Variants in SGCZ observed in about 807,000 individuals in gnomAD.
SGCZ encodes the protein zeta-sarcoglycan.
A neutral mutation model predicts 41.3 loss-of-function variants in SGCZ; 40 were observed. The ratio of observed to expected loss-of-function variants is 0.97; its 90% CI spans 0.75 to 1.26. The LOEUF (loss-of-function observed/expected upper bound fraction) is 1.26, where lower values mean the gene tolerates loss of function less well. SGCZ is among the 50% of genes most tolerant of loss of function. The pLI, the probability that SGCZ is intolerant of heterozygous loss-of-function variation, is 0.00. For synonymous variants in SGCZ, 206 were observed against 137.5 expected, an observed-to-expected ratio of 1.50 and a Z score of -3.49; for missense variants, 552 against 369.8, an observed-to-expected ratio of 1.49 and a Z score of -4.04.
At chr8:14,430,493 C>G (rs747171156) in intron 2 of SGCZ, among the ~76,000 whole-genome samples, 6 of 152,206 alleles carry the variant, frequency 3.9e-5, no homozygotes, top group Middle Eastern at 3.4e-3. Flanking sequence ...CAAAATCCAG[C>G]AAACTTTATG....
At chr8:14,567,178 C>T (rs1388634925) in intron 1 of SGCZ, among the ~76,000 whole-genome samples, 3 of 152,208 alleles carry the variant, frequency 2.0e-5, no homozygotes, top group African/African-American at 7.2e-5. Flanking sequence ...CCCCCTGCTC[C>T]ACAGCGCCGG....
At chr8:15,038,393 G>A (rs1803945450) in intron 1 of SGCZ, among the ~76,000 whole-genome samples, 1 of 151,872 alleles carries the variant, frequency 6.6e-6, no homozygotes, top group Admixed American at 6.6e-5. Flanking sequence ...TGTGATGACT[G>A]AAAATCCACA....
At chr8:14,253,346 CA>C (rs1337955637) in intron 3 of SGCZ, among the ~76,000 whole-genome samples, 1 of 151,362 alleles carries the variant, frequency 6.6e-6, no homozygotes. Context: ...AAATCATAAG[CA>C]ACTGTAATAT....
intron 1 of SGCZ, among the ~76,000 whole-genome samples, chr8:14,945,163 G>A (rs1368181110): frequency 8.3e-6 from 1 of 120,760 alleles, no homozygotes; most frequent in Non-Finnish European, 1.7e-5. Context: ...TGTGTGGGTG[G>A]GTGGGGGGGG....
intron 2 of SGCZ, among the ~76,000 whole-genome samples, chr8:14,547,848 T>C (rs1803678374): frequency 6.6e-6 from 1 of 152,208 alleles, no homozygotes; most frequent in African/African-American, 2.4e-5. Flanking sequence ...ATCAATCTTG[T>C]TAATATCATC....
At chr8:14,727,378 C>T (rs908120232) in intron 1 of SGCZ, among the ~76,000 whole-genome samples, 2 of 152,126 alleles carry the variant, frequency 1.3e-5, no homozygotes, top group Non-Finnish European at 2.9e-5. Context: ...TTCATTGCTG[C>T]TGGGAAATTG....
At chr8:14,361,193 T>A (rs1803500434) in intron 2 of SGCZ, among the ~76,000 whole-genome samples, 1 of 152,174 alleles carries the variant, frequency 6.6e-6, no homozygotes, top group African/African-American at 2.4e-5. Context: ...GGTCATTTTA[T>A]CAAACATGTG....
At chr8:14,233,192 C>G (rs150245882) in intron 4 of SGCZ, among the ~76,000 whole-genome samples, 1 of 152,030 alleles carries the variant, frequency 6.6e-6, no homozygotes, top group East Asian at 1.9e-4. Flanking sequence ...CAGCTATAGA[C>G]TGACAGCATA....
chr8:14,848,608 T>G (rs1468999103), intron 1 of SGCZ, among the ~76,000 whole-genome samples: 1 of 152,196 alleles, frequency 6.6e-6, no homozygotes, highest in Admixed American at 6.5e-5. Flanking sequence ...AGAAGGATAA[T>G]CTTTCAACAA....
chr8:14,998,796 C>T (rs1263268447), intron 1 of SGCZ, among the ~76,000 whole-genome samples: 2 of 152,116 alleles, frequency 1.3e-5, no homozygotes, highest in African/African-American at 4.8e-5. Context: ...CAACTCAGGT[C>T]TATATATAAC....
intron 1 of SGCZ, among the ~76,000 whole-genome samples, chr8:14,786,796 G>C (rs1014134413): frequency 6.8e-6 from 1 of 146,250 alleles, no homozygotes; most frequent in Admixed American, 6.9e-5. Flanking sequence ...AGGAGCTAAA[G>C]ATCCCATGTT....
chr8:14,975,997 T>TATAC (rs1285933522), intron 1 of SGCZ, among the ~76,000 whole-genome samples: 3 of 91,336 alleles, frequency 3.3e-5, no homozygotes, highest in East Asian at 3.1e-4. Context: ...TATATATATA[T>TATAC]ATACATATAT....
chr8:14,199,217 A>G (rs1805375611), intron 4 of SGCZ, among the ~76,000 whole-genome samples: 1 of 152,144 alleles, frequency 6.6e-6, no homozygotes, highest in African/African-American at 2.4e-5. Flanking sequence ...CCCTAAGGGG[A>G]GGACTCTGAA....
At chr8:14,676,199 A>G (rs866272431) in intron 1 of SGCZ, among the ~76,000 whole-genome samples, 1 of 152,228 alleles carries the variant, frequency 6.6e-6, no homozygotes, top group South Asian at 2.1e-4. Flanking sequence ...CTCTGCACTC[A>G]AAAGTATCAT....
intron 1 of SGCZ, among the ~76,000 whole-genome samples, chr8:14,573,407 C>A (rs577892514): frequency 1.4e-3 from 219 of 151,750 alleles, no homozygotes; most frequent in African/African-American, 5.0e-3. Flanking sequence ...TCACCGTGGT[C>A]TGGATCTCCT....
intron 1 of SGCZ, among the ~76,000 whole-genome samples, chr8:15,046,665 A>T (rs576954833): frequency 4.6e-5 from 7 of 152,156 alleles, no homozygotes; most frequent in African/African-American, 1.7e-4. Flanking sequence ...TAAGATCAGG[A>T]TGCTAGATGT....
intron 1 of SGCZ, among the ~76,000 whole-genome samples, chr8:14,932,562 C>G (rs1257491271): frequency 1.3e-5 from 2 of 151,948 alleles, no homozygotes; most frequent in African/African-American, 2.4e-5. Context: ...CTATTATACT[C>G]TAGCTACTGA....
intron 7 of SGCZ, among the ~76,000 whole-genome samples, chr8:14,097,306 A>G (rs770546675): frequency 2.0e-5 from 3 of 152,046 alleles, no homozygotes; most frequent in Non-Finnish European, 4.4e-5. Flanking sequence ...CTTTGTTCTC[A>G]TTGGTTTCAA....
intron 4 of SGCZ, among the ~76,000 whole-genome samples, chr8:14,174,252 T>C (rs778666452): frequency 2.3e-4 from 35 of 152,136 alleles, no homozygotes; most frequent in Non-Finnish European, 3.8e-4. Flanking sequence ...ATCAAGACAC[T>C]GTGATATTGC....
Sources: allele counts gnomAD v4.1 joint callset (sites outside exome capture counted in the v4.1 genomes callset), GRCh38; gene constraint gnomAD v4.1.1; transcripts MANE v1.5; gene names NCBI Gene and HGNC (gene_info 2026-07-23, HGNC 2026-07-21).